SAXO2: variants seen among roughly 807,000 people sequenced by gnomAD.
The protein encoded by SAXO2 is family with sequence similarity 154, member B.
Under a neutral mutation model 18.7 loss-of-function variants are expected in SAXO2, and 17 were observed. The ratio of observed to expected loss-of-function variants is 0.91; its 90% CI spans 0.62 to 1.36. The LOEUF is 1.36. Among genes scored for constraint, SAXO2 ranks in the 40% most tolerant of loss-of-function variants. SAXO2 has a pLI of 0.00. For synonymous variants in SAXO2, 163 were observed against 181.2 expected (o/e 0.90, Z 0.81); for missense variants, 486 against 562.6 (o/e 0.86, Z 1.38).
intron 2 of SAXO2, among the ~76,000 whole-genome samples, chr15:82,268,679 T>C (rs2075242230): frequency 6.6e-6 from 1 of 152,188 alleles, no homozygotes; most frequent in Non-Finnish European, 1.5e-5. Context: ...TGTCTGAACT[T>C]GTACAAGATT....
In SAXO2 at chr15:82,263,949, T is replaced by C. The variant is rs72751613; in HGVS notation, c.53+1017T>C. On this transcript the variant is annotated intron_variant, in intron 1 of 3. Transcript: ENST00000682753. The stretch of plus-strand genomic sequence containing the variant: ...TTTTATTTTTTGACAATGCAATAAA[T>C]ACACAAGAAGTATCATAAAAATCTA... 6.9e-3 allele frequency among the ~76,000 whole-genome samples: 1,048 copies of C among 152,150 alleles called. 10 individuals are homozygous for C. The highest frequency in any genetic ancestry group is 8.2e-3 in the Non-Finnish European group (556 of 67,998).
intron 3 of SAXO2, among the ~76,000 whole-genome samples, chr15:82,281,159 A>G (rs1265784184): frequency 6.6e-6 from 1 of 152,216 alleles, no homozygotes; most frequent in Non-Finnish European, 1.5e-5. Context: ...GGTGAAGTCA[A>G]TTCTATGGTA....
At chr15:82,271,849 C>G in intron 3 of SAXO2, 47 bp downstream of exon 3, 1 of 1,498,764 alleles carries the variant, frequency 6.7e-7, no homozygotes, top group East Asian at 2.3e-5. Flanking sequence ...CTAAAACTCA[C>G]TTCCAGCTTT....
Position 82,282,606 on chromosome 15 carries a change from A to G in SAXO2, c.921A>G (p.Leu307=), listed in dbSNP as rs141564954. The G allele has an allele frequency of 3.1e-6, 5 of 1,614,058 alleles. No homozygotes were observed. The African/African-American group carries it at 4.0e-5, about 13-fold the overall frequency. The stretch of plus-strand genomic sequence containing the variant: ...TGCCTCCTACAGGTAGCATGCTGTT[A>G]AACAGCACAAGCCATCTTGACTATG... ...EYVPPTGSML[L]NSTSHLDYVP... is the part of the protein sequence containing the mutation. The change falls in exon 4 of 4, where the codon TTA becomes TTG. Residue 307 remains leucine, a synonymous_variant. Coordinates refer to ENST00000682753, the MANE Select transcript of SAXO2 (RefSeq NM_001348699.2).
At chr15:82,280,003 T>A (rs1022718316) in intron 3 of SAXO2, among the ~76,000 whole-genome samples, 9 of 152,144 alleles carry the variant, frequency 5.9e-5, no homozygotes, top group African/African-American at 1.9e-4. Flanking sequence ...ATAACCAAAC[T>A]GTATTGTTAG....
intron 3 of SAXO2, among the ~76,000 whole-genome samples, chr15:82,273,624 A>T (rs938944943): frequency 6.6e-6 from 1 of 152,280 alleles, no homozygotes; most frequent in African/African-American, 2.4e-5. Context: ...GAAGAAGTAT[A>T]TTATAATTAA....
At chr15:82,271,984 C>A in intron 3 of SAXO2, 182 bp downstream of exon 3, 1 of 544,636 alleles carries the variant, frequency 1.8e-6, no homozygotes, top group South Asian at 2.9e-5. Context: ...GGCCATTTGT[C>A]TGATTGAGTG....
chr15:82,272,048 C>G (rs1479678266), intron 3 of SAXO2: 2 of 413,680 alleles, frequency 4.8e-6, no homozygotes, highest in East Asian at 7.7e-5. Flanking sequence ...TTTTCTGTCT[C>G]AAAACATGAA....
intron 3 of SAXO2, among the ~76,000 whole-genome samples, chr15:82,272,412 G>C (rs2075280124): frequency 6.6e-6 from 1 of 152,176 alleles, no homozygotes; most frequent in Non-Finnish European, 1.5e-5. Flanking sequence ...TAGGGGTCCT[G>C]CTCCTCTAAG....
chr15:82,275,925 A>G (rs1238822108), intron 3 of SAXO2, among the ~76,000 whole-genome samples: 3 of 152,008 alleles, frequency 2.0e-5, no homozygotes, highest in Admixed American at 2.0e-4. Flanking sequence ...AAGAGAAAGA[A>G]AAGGCATCCA....
chr15:82,282,366 A>G lies in SAXO2; in HGVS notation c.681A>G (p.Pro227=). The change falls in exon 4 of 4, where the codon CCA becomes CCG. Residue 227 remains proline, a synonymous_variant. Coordinates refer to ENST00000682753, the MANE Select transcript of SAXO2 (RefSeq NM_001348699.2). Reference sequence around the variant, plus strand: ...AGCTTGAACTCAAGTTTGAAAGGCCAAAAGAAGTTTACAAACCAACTGACC... The same window carrying G: ...AGCTTGAACTCAAGTTTGAAAGGCCGAAAGAAGTTTACAAACCAACTGACC... ...PHQLELKFER[P]KEVYKPTDQR... is the part of the protein sequence containing the mutation. 1.2e-6 allele frequency: 2 copies of G among 1,614,172 alleles called. No individual in the cohort carries two copies. Among genetic ancestry groups the G allele is most frequent in the Non-Finnish European group, 1.7e-6 (2 of 1,180,028 alleles).
In SAXO2 at chr15:82,282,546, C is replaced by T. The variant is rs771044331; in HGVS notation, c.861C>T (p.Ile287=). 1.9e-6 allele frequency: 3 copies of T among 1,614,110 alleles called. No homozygotes were observed. The highest frequency in any genetic ancestry group is 2.5e-6 in the Non-Finnish European group (3 of 1,180,006). The change falls in exon 4 of 4, where the codon ATC becomes ATT. Residue 287 remains isoleucine (I), a synonymous_variant. Transcript: ENST00000682753. ...GTGAAAGTTTTCAACCATGGGAAAT[C>T]CCACCACCTGAGGTCAAGAAAGTAC... The part of the protein sequence containing the change: ...EFRESFQPWE[I]PPPEVKKVPE...
At chr15:82,279,155 G>C (rs1159611966) in intron 3 of SAXO2, among the ~76,000 whole-genome samples, 2 of 152,134 alleles carry the variant, frequency 1.3e-5, no homozygotes, top group African/African-American at 4.8e-5. Context: ...AATGAAAAGA[G>C]AGAAGACACC....
intron 3 of SAXO2, among the ~76,000 whole-genome samples, chr15:82,281,369 A>C (rs2075360532): frequency 6.6e-6 from 1 of 152,172 alleles, no homozygotes; most frequent in African/African-American, 2.4e-5. Flanking sequence ...AGGTTATTTA[A>C]CTTCCAAACC....
intron 3 of SAXO2, among the ~76,000 whole-genome samples, chr15:82,275,883 A>G (rs1226591806): frequency 6.6e-6 from 1 of 152,142 alleles, no homozygotes. Flanking sequence ...AAGGATGCCC[A>G]CTGTTATCAC....
chr15:82,268,306 A>G (rs767607909), intron 2 of SAXO2, among the ~76,000 whole-genome samples: 10 of 152,254 alleles, frequency 6.6e-5, no homozygotes, highest in Non-Finnish European at 1.5e-4. Flanking sequence ...AACCTGCCAT[A>G]TCTTTCTTTT....
At chr15:82,269,381 A>C (rs2075249321) in intron 2 of SAXO2, among the ~76,000 whole-genome samples, 1 of 152,142 alleles carries the variant, frequency 6.6e-6, no homozygotes, top group African/African-American at 2.4e-5. Flanking sequence ...AAGTAGAGAG[A>C]GAGAGTAGCT....
At chr15:82,278,013 G>A (rs1272950157) in intron 3 of SAXO2, among the ~76,000 whole-genome samples, 2 of 150,876 alleles carry the variant, frequency 1.3e-5, no homozygotes, top group African/African-American at 4.9e-5. Flanking sequence ...GGTTGTTTTT[G>A]CAAAAGAAAA....
rs2075377883 is a variant in SAXO2 at position 82,282,803 on chromosome 15, T to G, written c.1118T>G (p.Phe373Cys). Residue 373 changes from phenylalanine (F) to cysteine (C), a missense_variant, in exon 4 of 4, where the codon TTT (phenylalanine) becomes TGT (cysteine). By Grantham distance (205) the Phe-to-Cys change is radical. Transcript: ENST00000682753. The part of the protein sequence containing the change: ...QQQIPNPSGK[F>C]DGLSTFRSHY... ...CAGATTCCCAACCCATCTGGAAAAT[T>G]TGATGGTTTGAGCACTTTCAGATCT... 6.2e-7 allele frequency: 1 copy of G among 1,614,058 alleles called. No homozygotes were observed. Among genetic ancestry groups the G allele is most frequent in the Non-Finnish European group, 8.5e-7 (1 of 1,179,984 alleles).
Sources: gnomAD v4.1 joint callset for allele counts (sites outside exome capture counted in the v4.1 genomes callset) on GRCh38, gnomAD v4.1.1 for gene constraint, MANE v1.5 for transcripts, NCBI Gene and HGNC (gene_info 2026-07-23, HGNC 2026-07-21) for gene names.